BAIAP2L2: variants seen among roughly 807,000 people sequenced by gnomAD.
BAIAP2L2 encodes BAR/IMD domain-containing adapter protein 2-like 2.
Under a neutral mutation model 60.4 loss-of-function variants are expected in BAIAP2L2, and 65 were observed. That is an observed-to-expected ratio of 1.08 (90% CI 0.88 to 1.32). The LOEUF is 1.32. Among genes scored for constraint, BAIAP2L2 ranks in the 40% most tolerant of loss-of-function variants. BAIAP2L2 has a pLI of 0.00. For synonymous variants in BAIAP2L2, 344 were observed against 301.7 expected, an observed-to-expected ratio of 1.14 and a Z score of -1.45; for missense variants, 836 against 741.2, an observed-to-expected ratio of 1.13 and a Z score of -1.48.
chr22:38,089,758 G>C (rs1219244049), intron 7 of BAIAP2L2, 84 bp from the exon 8 acceptor site: 2 of 1,181,220 alleles, frequency 1.7e-6, no homozygotes, highest in Non-Finnish European at 2.1e-6. Flanking sequence ...CTCGACCTGA[G>C]AGCTCAGGCC....
chr22:38,096,914 TACAG>T, intron 7 of BAIAP2L2, 114 bp downstream of exon 7: 2 of 1,232,252 alleles, frequency 1.6e-6, no homozygotes, highest in Non-Finnish European at 2.2e-6. Flanking sequence ...AATGAATTTC[TACAG>T]ACAGGCAGGC....
intron 10 of BAIAP2L2, among the ~76,000 whole-genome samples, chr22:38,088,547 T>C (rs1379481202): frequency 6.6e-6 from 1 of 152,224 alleles, no homozygotes; most frequent in East Asian, 1.9e-4. Flanking sequence ...ACCGTCATCC[T>C]GAACTTGGTA....
intron 6 of BAIAP2L2, 23 bp downstream of exon 6, chr22:38,098,040 C>G: frequency 9.1e-7 from 1 of 1,093,312 alleles, no homozygotes. Flanking sequence ...TCCTGGCCCA[C>G]CCCCGCTTCC....
chr22:38,093,724 G>T (rs141071050), intron 7 of BAIAP2L2, among the ~76,000 whole-genome samples: 1 of 152,162 alleles, frequency 6.6e-6, no homozygotes, highest in Non-Finnish European at 1.5e-5. Context: ...TAGCGAGGAC[G>T]TGAAACAACT....
At position 38,099,604 on chromosome 22, in the gene BAIAP2L2, T is replaced by A. The variant is rs564588060; in HGVS notation, c.277-1122A>T. Among the ~76,000 whole-genome samples, 4 of 152,302 alleles carry A rather than the reference T, an allele frequency of 2.6e-5. No individual in the cohort carries two copies. In the East Asian group the frequency reaches 5.8e-4, roughly 22 times the overall value. On this transcript the variant is annotated intron_variant, in intron 4 of 13. Coordinates refer to ENST00000381669, the MANE Select transcript of BAIAP2L2 (RefSeq NM_025045.6). The stretch of plus-strand genomic sequence containing the variant: ...CTGAGAGCTTGATGAGCTTCGATTC[T>A]GTGGGCCCAGGTGATGCCCTGGTAC...
At chr22:38,105,339 CTTTTTTT>C (rs1035690122) in intron 4 of BAIAP2L2, among the ~76,000 whole-genome samples, 1 of 94,966 alleles carries the variant, frequency 1.1e-5, no homozygotes, top group African/African-American at 3.5e-5. Context: ...TTTTTCTTTT[CTTTTTTT>C]TTTTTTTTTT....
At chr22:38,087,628 T>C (rs1347142033) in intron 10 of BAIAP2L2, among the ~76,000 whole-genome samples, 1 of 152,038 alleles carries the variant, frequency 6.6e-6, no homozygotes, top group African/African-American at 2.4e-5. Context: ...GTCCCTATCG[T>C]TGGCGTTCTC....
At position 38,097,158 on chromosome 22, in the gene BAIAP2L2, G is replaced by A. The variant is rs752090945; in HGVS notation, c.486C>T (p.His162=). 6.8e-6 allele frequency: 11 copies of A among 1,613,604 alleles called. No homozygotes were observed. The highest frequency in any genetic ancestry group is 6.8e-6 in the Non-Finnish European group (8 of 1,179,994). The part of the protein sequence containing the change: ...REMKESVNRL[H]AQMQAFVSES... ...CAGACACGAAGGCCTGCATCTGTGC[G>A]TGCAGCCGGTTCACACTCTCCTGGG... The change falls in exon 7 of 14, where the codon CAC becomes CAT. Residue 162 remains histidine (H), a synonymous_variant. Transcript: ENST00000381669.
At chr22:38,106,345 C>T (rs551232215) in intron 4 of BAIAP2L2, among the ~76,000 whole-genome samples, 1 of 151,904 alleles carries the variant, frequency 6.6e-6, no homozygotes, top group South Asian at 2.1e-4. Context: ...ATGGTGAAAC[C>T]CCGTCTCTGC....
intron 10 of BAIAP2L2, among the ~76,000 whole-genome samples, chr22:38,087,558 G>T (rs1238761073): frequency 6.6e-6 from 1 of 152,002 alleles, no homozygotes; most frequent in Non-Finnish European, 1.5e-5. Flanking sequence ...GGTCCCCAAG[G>T]CATCTGCAGC....
At chr22:38,086,894 G>A (rs1303078301) in intron 11 of BAIAP2L2, among the ~76,000 whole-genome samples, 1 of 151,628 alleles carries the variant, frequency 6.6e-6, no homozygotes, top group Non-Finnish European at 1.5e-5. Context: ...TACTCAGGAG[G>A]CTCAGGCAGG....
intron 10 of BAIAP2L2, 73 bp downstream of exon 10, chr22:38,088,675 C>A: frequency 6.9e-7 from 1 of 1,443,418 alleles, no homozygotes; most frequent in Non-Finnish European, 9.2e-7. Flanking sequence ...CTCAGTCCGG[C>A]AGGTCCCCGG....
rs146839080 is a variant in BAIAP2L2 at position 38,109,260 on chromosome 22, A to G, written c.52-52T>C. On this transcript the variant is annotated intron_variant, in intron 1 of 13. Transcript: ENST00000381669. ...AAGGTGTAGAGATGGGGGAGCGAGAAGGAACCACGGATGGAGTCAAGTCAC... is the reference window on the plus strand; with the variant it reads ...AAGGTGTAGAGATGGGGGAGCGAGAGGGAACCACGGATGGAGTCAAGTCAC... 3.0e-4 allele frequency: 426 copies of G among 1,436,144 alleles called. 3 individuals are homozygous for G. The African/African-American group carries it at 5.3e-3, about 18-fold the overall frequency. 89.0% of individuals were successfully genotyped at this position (1,436,144 alleles called of 1,614,324 possible). A position where few individuals can be genotyped will look rare whatever the true frequency, so the allele number is the denominator to read the frequency against.
Position 38,085,262 on chromosome 22 carries a change from G to T in BAIAP2L2, c.*38C>A. 1.9e-6 allele frequency: 3 copies of T among 1,594,722 alleles called. No homozygotes were observed. Among genetic ancestry groups the T allele is most frequent in the Non-Finnish European group, 2.6e-6 (3 of 1,163,360 alleles). ...CCATTGCCAGCTCTGAACAGCCCCT[G>T]GGCAGGTGCACTGTGGGGTACGACC... On this transcript the variant is annotated 3_prime_UTR_variant, in exon 14 of 14. Coordinates refer to ENST00000381669, the MANE Select transcript of BAIAP2L2 (RefSeq NM_025045.6).
At chr22:38,107,800 A>G in intron 4 of BAIAP2L2, 52 bp downstream of exon 4, 1 of 1,558,086 alleles carries the variant, frequency 6.4e-7, no homozygotes, top group Non-Finnish European at 8.8e-7. Flanking sequence ...TCCTTGGAAC[A>G]TAGCCCACTT....
rs954605577 is a variant in BAIAP2L2, at chr22:38,097,104, C to G, written c.540G>C (p.Glu180Asp). ...CTGCTAGGAAGCGATAGCGCCGCTT[C>G]TCTTCCAATTCAGCCGCCCGCTGAC... ...SESQRAAELE[E>D]KRRYRFLAEK... Residue 180 changes from glutamate to aspartate, a missense_variant, in exon 7 of 14, where the codon GAG (glutamate) becomes GAC (aspartate). Coordinates refer to ENST00000381669, the MANE Select transcript of BAIAP2L2 (RefSeq NM_025045.6). 1.2e-6 allele frequency: 2 copies of G among 1,614,110 alleles called. No individual in the cohort carries two copies. Among genetic ancestry groups the G allele is most frequent in the African/African-American group, 2.7e-5 (2 of 75,070 alleles).
At chr22:38,087,535 G>A (rs2086131636) in intron 10 of BAIAP2L2, among the ~76,000 whole-genome samples, 1 of 152,034 alleles carries the variant, frequency 6.6e-6, no homozygotes, top group African/African-American at 2.4e-5. Flanking sequence ...CCATCTAGAA[G>A]GTTCTATCCT....
chr22:38,093,600 C>T (rs2086358743), intron 7 of BAIAP2L2, among the ~76,000 whole-genome samples: 1 of 152,176 alleles, frequency 6.6e-6, no homozygotes, highest in Non-Finnish European at 1.5e-5. Flanking sequence ...CTAAGAAGCA[C>T]AGGAAAACAT....
At position 38,086,464 on chromosome 22, in the gene BAIAP2L2, A is replaced by G. The variant is rs2086076939; in HGVS notation, c.1260-15T>C. Reference sequence around the variant, plus strand: ...GTGGGTAGGACCTAAGTCCAGAGAAAGGAGGGGGAAGGAAAGGGGTTGGGG... The same window carrying G: ...GTGGGTAGGACCTAAGTCCAGAGAAGGGAGGGGGAAGGAAAGGGGTTGGGG... On this transcript the variant is annotated splice_polypyrimidine_tract_variant and intron_variant, in intron 11 of 13. Transcript: ENST00000381669. 2 of 1,477,904 alleles carry G rather than the reference A, an allele frequency of 1.4e-6. No individual in the cohort carries two copies. The highest frequency in any genetic ancestry group is 1.4e-5 in the South Asian group (1 of 73,180). The allele number at this position is 1,477,904 out of a possible 1,614,324, so 91.5% of individuals were successfully genotyped here.
Sources: allele counts gnomAD v4.1 joint callset (sites outside exome capture counted in the v4.1 genomes callset), GRCh38; gene constraint gnomAD v4.1.1; transcripts MANE v1.5; gene names NCBI Gene and HGNC (gene_info 2026-07-23, HGNC 2026-07-21).